Variants in ARID1B observed in about 807,000 individuals in gnomAD.
ARID1B encodes AT-rich interaction domain 1B.
In ARID1B, 30 loss-of-function variants were observed where a neutral mutation model predicts 212.3. The ratio of observed to expected loss-of-function variants is 0.14; its 90% CI spans 0.11 to 0.19. ARID1B has a LOEUF of 0.19. Ranked by LOEUF, ARID1B falls within the 10% of genes least tolerant of loss-of-function variation. ARID1B has a pLI of 1.00. For synonymous variants in ARID1B, 1,402 were observed against 1,301.7 expected (o/e 1.08, Z -1.66); for missense variants, 2,891 against 3,204.0 (o/e 0.90, Z 2.36).
chr6:157,172,110 A>G (rs1217979184), intron 9 of ARID1B, among the ~76,000 whole-genome samples: 3 of 152,326 alleles, frequency 2.0e-5, no homozygotes, highest in East Asian at 3.9e-4. Flanking sequence ...ACTCGCATAC[A>G]TAAGCCCCTC....
chr6:156,826,140 G>A (rs756171936), intron 1 of ARID1B, among the ~76,000 whole-genome samples: 2 of 152,164 alleles, frequency 1.3e-5, no homozygotes, highest in African/African-American at 2.4e-5. Flanking sequence ...TGTATCACAT[G>A]GTGAATTTTG....
chr6:156,988,407 T>A (rs1778066957), intron 4 of ARID1B, among the ~76,000 whole-genome samples: 1 of 152,180 alleles, frequency 6.6e-6, no homozygotes, highest in Admixed American at 6.5e-5. Context: ...TTTTTTGTGC[T>A]TATCTCAGGG....
At chr6:157,085,639 A>G (rs1784917272) in intron 5 of ARID1B, among the ~76,000 whole-genome samples, 4 of 152,124 alleles carry the variant, frequency 2.6e-5, no homozygotes, top group Admixed American at 2.6e-4. Context: ...CAGATAATTC[A>G]TTCTATCCTT....
chr6:157,076,173 A>G (rs1245338087), intron 4 of ARID1B, among the ~76,000 whole-genome samples: 1 of 152,238 alleles, frequency 6.6e-6, no homozygotes, highest in Non-Finnish European at 1.5e-5. Flanking sequence ...ATTTTTTCTT[A>G]TGGTTCATGT....
chr6:156,957,534 A>G (rs986657691), intron 4 of ARID1B, among the ~76,000 whole-genome samples: 7 of 152,162 alleles, frequency 4.6e-5, no homozygotes, highest in African/African-American at 1.7e-4. Context: ...AGTGTCCATC[A>G]CTTGGCATCT....
chr6:157,037,421 C>T (rs1034840930), intron 4 of ARID1B, among the ~76,000 whole-genome samples: 2 of 152,030 alleles, frequency 1.3e-5, no homozygotes, highest in African/African-American at 2.4e-5. Flanking sequence ...CCAGAGGCTG[C>T]GAGTCGGGTG....
At chr6:156,942,013 A>G (rs748270993) in intron 4 of ARID1B, 1 of 152,232 alleles carries the variant, frequency 6.6e-6, no homozygotes, top group African/African-American at 2.4e-5. Context: ...TTTAAAATAC[A>G]TTTCAACTAA....
rs1377877762 is a variant in ARID1B at position 157,206,791 on chromosome 6, C to T, written c.6019C>T (p.Arg2007Trp). ...IATIDDVLSARPGALPEDANP... is the reference protein window; with the variant it reads ...IATIDDVLSAWPGALPEDANP... ...AACCATCGATGACGTCCTCTCTGCT[C>T]GGCCAGGGGCATTGCCTGAAGACGC... Residue 2007 changes from arginine (R) to tryptophan (W), a missense_variant, in exon 20 of 20, where the codon CGG becomes TGG. Arg to Trp is a moderately radical substitution (Grantham distance 101, BLOSUM62 -3). Transcript: ENST00000636930. The surrounding 1 kb of genome is among the most constrained non-coding windows in gnomAD (Gnocchi z 6.8). The T allele has an allele frequency of 5.0e-6, 8 of 1,613,810 alleles. No homozygotes were observed. Among genetic ancestry groups the T allele is most frequent in the South Asian group, 3.3e-5 (3 of 91,086 alleles).
intron 1 of ARID1B, among the ~76,000 whole-genome samples, chr6:156,810,473 G>A (rs1781482045): frequency 6.6e-6 from 1 of 152,190 alleles, no homozygotes; most frequent in Non-Finnish European, 1.5e-5. Flanking sequence ...TCCTTGTAAA[G>A]CGAGAGGGGT....
intron 4 of ARID1B, among the ~76,000 whole-genome samples, chr6:156,945,015 C>T (rs1227198593): frequency 6.6e-6 from 1 of 150,796 alleles, no homozygotes; most frequent in East Asian, 1.9e-4. Flanking sequence ...CTCTGCCTCC[C>T]AGGTTCCTGC....
At position 156,955,881 on chromosome 6, in the gene ARID1B, A is replaced by G. The variant is rs1226767954; in HGVS notation, c.2247+20305A>G. 6.6e-6 allele frequency among the ~76,000 whole-genome samples: 1 copy of G among 152,156 alleles called. No homozygotes were observed. The highest frequency in any genetic ancestry group is 1.5e-5 in the Non-Finnish European group (1 of 68,018). ...TTGGTCTCAGAAACCCTATCCTGTTAGGAAGGTTACTGGAGGCCGCTGGTG... is the reference window on the plus strand; with the variant it reads ...TTGGTCTCAGAAACCCTATCCTGTTGGGAAGGTTACTGGAGGCCGCTGGTG... On this transcript the variant is annotated intron_variant, in intron 4 of 19. Transcript: ENST00000636930. This position sits in a 1 kb window ranked among gnomAD's most constrained non-coding sequence, Gnocchi z 4.2.
At chr6:156,864,926 G>T (rs116220884) in intron 2 of ARID1B, among the ~76,000 whole-genome samples, 3,080 of 152,060 alleles carry the variant, frequency 0.02, 101 homozygotes, top group African/African-American at 0.069. Flanking sequence ...TTTGTTTTTC[G>T]TAAATAATTT....
chr6:157,156,354 G>A (rs1423080629), intron 8 of ARID1B, among the ~76,000 whole-genome samples: 1 of 152,002 alleles, frequency 6.6e-6, no homozygotes, highest in Non-Finnish European at 1.5e-5. Context: ...TAAATACTAC[G>A]CTTTAATTTT....
intron 4 of ARID1B, among the ~76,000 whole-genome samples, chr6:157,073,816 C>T (rs1274247497): frequency 7.2e-5 from 11 of 152,220 alleles, no homozygotes; most frequent in Admixed American, 5.2e-4. Flanking sequence ...AAGTATTTAA[C>T]GAGCACAGAT....
At chr6:156,887,963 T>C (rs904486998) in intron 2 of ARID1B, among the ~76,000 whole-genome samples, 5 of 152,176 alleles carry the variant, frequency 3.3e-5, no homozygotes, top group Non-Finnish European at 7.4e-5. Flanking sequence ...GTTGACTCTT[T>C]TAAAATTCTA....
intron 13 of ARID1B, among the ~76,000 whole-genome samples, chr6:157,188,093 T>G (rs1320383304): frequency 6.6e-6 from 1 of 152,102 alleles, no homozygotes; most frequent in East Asian, 1.9e-4. Flanking sequence ...ATTTTTCTTT[T>G]AAAATACCTA....
intron 9 of ARID1B, chr6:157,170,379 G>A (rs1173621054): frequency 6.6e-6 from 1 of 152,208 alleles, no homozygotes; most frequent in South Asian, 2.1e-4. Context: ...TCTCACAAAG[G>A]AAGGTTTGGG....
At chr6:156,822,835 C>T (rs1037722774) in intron 1 of ARID1B, among the ~76,000 whole-genome samples, 7 of 152,094 alleles carry the variant, frequency 4.6e-5, no homozygotes, top group Middle Eastern at 3.2e-3. Context: ...CTGTGTGTGC[C>T]GTGACCAGGC....
intron 1 of ARID1B, among the ~76,000 whole-genome samples, chr6:156,797,434 C>T (rs754033792): frequency 3.3e-5 from 5 of 152,338 alleles, no homozygotes; most frequent in African/African-American, 4.8e-5. Flanking sequence ...TTCAGATGCC[C>T]GGCCTGAGCC....
Sources: allele counts gnomAD v4.1 joint callset (sites outside exome capture counted in the v4.1 genomes callset), GRCh38; gene constraint gnomAD v4.1.1; non-coding constraint Gnocchi (gnomAD v3.1); transcripts MANE v1.5; gene names NCBI Gene and HGNC (gene_info 2026-07-23, HGNC 2026-07-21).